Variants in WDPCP observed in about 807,000 individuals in gnomAD.
WDPCP encodes WD repeat-containing and planar cell polarity effector protein fritz homolog.
In WDPCP, 71 loss-of-function variants were observed where a neutral mutation model predicts 93.1. That is an observed-to-expected ratio of 0.76 (90% CI 0.63 to 0.93). The LOEUF (loss-of-function observed/expected upper bound fraction) is 0.93, where lower values mean the gene tolerates loss of function less well. WDPCP is among the 40% of genes least tolerant of loss of function. The pLI, the probability that WDPCP is intolerant of heterozygous loss-of-function variation, is 0.00. For synonymous variants in WDPCP, 315 were observed against 315.0 expected (o/e 1.00, Z 0.00); for missense variants, 844 against 887.4 (o/e 0.95, Z 0.62).
At position 63,729,534 on chromosome 2, in the gene WDPCP, C is replaced by T. The variant is rs139452680; in HGVS notation, n.309-78696G>A. On this transcript the variant is annotated intron_variant and non_coding_transcript_variant, in intron 2 of 4. Transcript: ENST00000467687. Reference sequence around the variant, plus strand: ...TTAGTGGCAGGGCCAGGACCCACATCTCCTAACCCCCAATTCAAAGCGCTT... The same window carrying T: ...TTAGTGGCAGGGCCAGGACCCACATTTCCTAACCCCCAATTCAAAGCGCTT... 1.1e-4 allele frequency among the ~76,000 whole-genome samples: 17 copies of T among 152,260 alleles called. No homozygotes were observed. The Middle Eastern group carries it at 0.01, about 91-fold the overall frequency.
intron 9 of WDPCP, among the ~76,000 whole-genome samples, chr2:63,422,397 T>A (rs2105360896): frequency 6.6e-6 from 1 of 152,334 alleles, no homozygotes; most frequent in South Asian, 2.1e-4. Context: ...AATAATGCTA[T>A]TTTAAAAACA....
chr2:63,321,590 C>T (rs149949058), intron 12 of WDPCP, among the ~76,000 whole-genome samples: 1,806 of 151,852 alleles, frequency 0.012, 19 homozygotes, highest in Middle Eastern at 0.02. Context: ...ACGAAGATTC[C>T]TATCATTTTA....
At chr2:63,226,563 G>C (rs1678309238) in intron 14 of WDPCP, among the ~76,000 whole-genome samples, 1 of 151,692 alleles carries the variant, frequency 6.6e-6, no homozygotes, top group Admixed American at 6.6e-5. Context: ...CATACCACCT[G>C]ACATGAAAAT....
intron 2 of WDPCP, among the ~76,000 whole-genome samples, chr2:63,802,171 T>C (rs1194616117): frequency 1.3e-5 from 2 of 151,362 alleles, no homozygotes; most frequent in Non-Finnish European, 2.9e-5. Flanking sequence ...GTAGGCTGGG[T>C]ATGGTGGCTC....
chr2:63,717,965 G>A (rs1002247019), intron 2 of WDPCP: 3 of 152,316 alleles, frequency 2.0e-5, no homozygotes, highest in Non-Finnish European at 2.9e-5. Flanking sequence ...TAAAAAGAAA[G>A]TGTACTTTTT....
intron 17 of WDPCP, among the ~76,000 whole-genome samples, chr2:63,124,117 T>C (rs796217711): frequency 1.9e-4 from 28 of 151,212 alleles, no homozygotes; most frequent in African/African-American, 5.3e-4. Flanking sequence ...TTTCTGTTTG[T>C]AGGATTATTT....
intron 2 of WDPCP, among the ~76,000 whole-genome samples, chr2:63,683,583 T>G (rs1408435308): frequency 2.6e-5 from 4 of 152,172 alleles, no homozygotes; most frequent in Non-Finnish European, 4.4e-5. Flanking sequence ...CTGGGCGCAG[T>G]GGCTCACATC....
At chr2:63,435,822 A>C (rs1217986721) in intron 8 of WDPCP, among the ~76,000 whole-genome samples, 1 of 152,164 alleles carries the variant, frequency 6.6e-6, no homozygotes, top group East Asian at 1.9e-4. Flanking sequence ...GAAGGGAAAC[A>C]GATTACTTCT....
chr2:63,525,124 C>T (rs1008108371), intron 1 of WDPCP, among the ~76,000 whole-genome samples: 7 of 152,274 alleles, frequency 4.6e-5, no homozygotes, highest in Middle Eastern at 3.4e-3. Flanking sequence ...AGGTCATTAT[C>T]GTAAACAAAC....
chr2:63,466,400 T>C (rs1319679023), intron 6 of WDPCP, among the ~76,000 whole-genome samples: 2 of 152,180 alleles, frequency 1.3e-5, no homozygotes, highest in Admixed American at 1.3e-4. Context: ...TTGACATATA[T>C]ATATATAAAA....
intron 13 of WDPCP, among the ~76,000 whole-genome samples, chr2:63,279,654 A>T (rs1266861281): frequency 6.6e-6 from 1 of 152,206 alleles, no homozygotes; most frequent in Non-Finnish European, 1.5e-5. Context: ...CAAATTGGTA[A>T]AGAGGAAGTC....
chr2:63,513,465 T>A (rs116457687), intron 1 of WDPCP, among the ~76,000 whole-genome samples: 2 of 152,016 alleles, frequency 1.3e-5, no homozygotes, highest in Non-Finnish European at 2.9e-5. Flanking sequence ...TTAAAGGGGA[T>A]TTGAAGGTCT....
intron 14 of WDPCP, among the ~76,000 whole-genome samples, chr2:63,250,432 A>G (rs1680620011): frequency 6.6e-6 from 1 of 152,222 alleles, no homozygotes; most frequent in African/African-American, 2.4e-5. Flanking sequence ...GATACCACAG[A>G]AAGGAAATTA....
At chr2:63,298,826 G>A (rs1392771545) in intron 13 of WDPCP, among the ~76,000 whole-genome samples, 1 of 152,200 alleles carries the variant, frequency 6.6e-6, no homozygotes, top group Non-Finnish European at 1.5e-5. Context: ...AGGGCCTGAG[G>A]TGTTGCTGTG....
chr2:63,835,166 C>T, the WDPCP span, among the ~76,000 whole-genome samples: 1 of 151,528 alleles, frequency 6.6e-6, no homozygotes, highest in Non-Finnish European at 1.5e-5. Context: ...GTGGGCGGAT[C>T]ACTTGAGGTC....
At chr2:63,815,962 A>T (rs916389499) in intron 1 of WDPCP, among the ~76,000 whole-genome samples, 1 of 151,932 alleles carries the variant, frequency 6.6e-6, no homozygotes, top group African/African-American at 2.4e-5. Flanking sequence ...TGCCTCATGG[A>T]ACTTGTTCAT....
chr2:63,180,577 G>A (rs981464297), intron 14 of WDPCP, among the ~76,000 whole-genome samples: 1 of 152,044 alleles, frequency 6.6e-6, no homozygotes, highest in African/African-American at 2.4e-5. Context: ...TCTGTATCTA[G>A]TCCTTCACTG....
intron 14 of WDPCP, among the ~76,000 whole-genome samples, chr2:63,201,233 C>G (rs1255079411): frequency 2.0e-5 from 3 of 152,100 alleles, no homozygotes; most frequent in African/African-American, 7.2e-5. Flanking sequence ...TGCCTTCCAC[C>G]ATGATTATAA....
At chr2:63,404,786 C>T (rs4671502) in intron 9 of WDPCP, 129 bp from the exon 10 acceptor site, 445,628 of 1,097,808 alleles carry the variant, frequency 0.41, 93,283 homozygotes, top group Middle Eastern at 0.42. Context: ...CAGCAACATA[C>T]AAGTATATAA....
Sources: allele counts gnomAD v4.1 joint callset (sites outside exome capture counted in the v4.1 genomes callset), GRCh38; gene constraint gnomAD v4.1.1; transcripts MANE v1.5; gene names NCBI Gene and HGNC (gene_info 2026-07-23, HGNC 2026-07-21).